Variants in RNF217 observed in about 807,000 individuals in gnomAD.
The protein encoded by RNF217 is ring finger protein 217, also known as E3 ubiquitin-protein ligase RNF217.
RNF217 carries 31 observed loss-of-function variants against 57.8 expected under a neutral mutation model. The ratio of observed to expected loss-of-function variants is 0.54; its 90% confidence interval spans 0.40 to 0.72. The LOEUF is 0.72. Among genes scored for constraint, RNF217 ranks in the 30% least tolerant of loss-of-function variants. The pLI, the probability that RNF217 is intolerant of heterozygous loss-of-function variation, is 0.00. For missense variants in RNF217, 696 were observed against 708.3 expected (o/e 0.98, Z 0.20); for synonymous variants, 313 against 294.0 (o/e 1.06, Z -0.66).
At chr6:124,984,060 C>T (rs1784276886) in intron 1 of RNF217, among the ~76,000 whole-genome samples, 1 of 152,178 alleles carries the variant, frequency 6.6e-6, no homozygotes, top group Non-Finnish European at 1.5e-5. Context: ...CCAAAAGCCC[C>T]ACTTCTTAAT....
intron 1 of RNF217, among the ~76,000 whole-genome samples, chr6:124,966,327 C>T (rs1482325211): frequency 6.6e-6 from 1 of 152,148 alleles, no homozygotes; most frequent in East Asian, 1.9e-4. Flanking sequence ...AATGTAATTG[C>T]AGACAACCTG....
At chr6:125,035,760 T>C (rs1786586401) in intron 1 of RNF217, among the ~76,000 whole-genome samples, 1 of 152,170 alleles carries the variant, frequency 6.6e-6, no homozygotes, top group South Asian at 2.1e-4. Context: ...TGATTATCTT[T>C]AGAAGCTTTT....
intron 4 of RNF217, among the ~76,000 whole-genome samples, chr6:125,078,589 C>G (rs564554459): frequency 6.6e-6 from 1 of 152,172 alleles, no homozygotes. Context: ...GGAACCCACT[C>G]CCTTGATAAC....
rs1028463602 is a variant in RNF217 at position 124,963,183 on chromosome 6, G to T, written c.639G>T (p.Thr213=). ...CCAGCCCCCGACTGTCCCTCCCAACGGATTCCCTCTCCCCCGACGGCGGCA... is the reference window on the plus strand; with the variant it reads ...CCAGCCCCCGACTGTCCCTCCCAACTGATTCCCTCTCCCCCGACGGCGGCA... ...SFPSPRLSLP[T]DSLSPDGGSI... Residue 213 remains threonine (T), a synonymous_variant, in exon 1 of 6, where the codon ACG becomes ACT. Coordinates refer to ENST00000521654, the MANE Select transcript of RNF217 (RefSeq NM_001286398.3). 4 of 1,536,000 alleles carry T rather than the reference G, an allele frequency of 2.6e-6. No individual in the cohort carries two copies. Among genetic ancestry groups the T allele is most frequent in the Middle Eastern group, 1.7e-4 (1 of 5,988 alleles).
intron 3 of RNF217, among the ~76,000 whole-genome samples, chr6:125,068,044 T>TGGG (rs540741040): frequency 9.6e-4 from 146 of 152,262 alleles, no homozygotes; most frequent in African/African-American, 3.3e-3. Flanking sequence ...ATTTTGCAGA[T>TGGG]GGGGGTCATG....
At chr6:125,054,689 A>G (rs1269561656) in intron 2 of RNF217, among the ~76,000 whole-genome samples, 1 of 152,204 alleles carries the variant, frequency 6.6e-6, no homozygotes. Context: ...TCCTGGTCCA[A>G]TAAATTGTGG....
intron 1 of RNF217, among the ~76,000 whole-genome samples, chr6:124,998,164 G>A (rs981246454): frequency 3.3e-5 from 5 of 152,072 alleles, no homozygotes; most frequent in Admixed American, 6.5e-5. Context: ...TCCCAGTCAC[G>A]TAGCCTCAAA....
rs570883999 is a variant in RNF217, at chr6:125,044,372, A to G, written c.883-839A>G. 2.6e-5 allele frequency among the ~76,000 whole-genome samples: 4 copies of G among 152,230 alleles called. No individual in the cohort carries two copies. In the East Asian group the frequency reaches 7.8e-4, roughly 30 times the overall value. Reference sequence around the variant, plus strand: ...CATTATTTCAAAGTAGTTTATTTTAATCATTTAAAAATTAGTTGTGTCCAC... The same window carrying G: ...CATTATTTCAAAGTAGTTTATTTTAGTCATTTAAAAATTAGTTGTGTCCAC... On this transcript the variant is annotated intron_variant, in intron 1 of 5. Transcript: ENST00000521654.
At chr6:125,072,794 T>G (rs1788198844) in intron 3 of RNF217, among the ~76,000 whole-genome samples, 1 of 152,154 alleles carries the variant, frequency 6.6e-6, no homozygotes, top group Non-Finnish European at 1.5e-5. Context: ...ATAATATGAT[T>G]GATCTTCTGG....
intron 1 of RNF217, among the ~76,000 whole-genome samples, chr6:125,017,745 A>G (rs746042832): frequency 2.0e-5 from 3 of 152,140 alleles, no homozygotes; most frequent in Non-Finnish European, 4.4e-5. Context: ...ATATTAACTG[A>G]CTGTATTTTT....
At chr6:125,051,322 G>A (rs543583849) in intron 2 of RNF217, among the ~76,000 whole-genome samples, 8 of 151,438 alleles carry the variant, frequency 5.3e-5, no homozygotes, top group African/African-American at 7.3e-5. Flanking sequence ...GTGAAGAATC[G>A]TCTCTCTCTG....
intron 1 of RNF217, among the ~76,000 whole-genome samples, chr6:125,005,199 A>G (rs912719518): frequency 2.5e-4 from 38 of 152,198 alleles, no homozygotes; most frequent in Non-Finnish European, 4.9e-4. Context: ...TGTTCAAACC[A>G]TAACAGGCCT....
In RNF217 at chr6:125,086,961, C is replaced by T. The variant is rs1788787715; in HGVS notation, c.*4024C>T. ...ACTGTTCTCCTAAAATACCTATGAA[C>T]CACTGTAATCATTTCCAGTCCCTGA... On this transcript the variant is annotated 3_prime_UTR_variant, in exon 6 of 6. Coordinates refer to ENST00000521654, the MANE Select transcript of RNF217 (RefSeq NM_001286398.3). 1 of 152,080 alleles carries T rather than the reference C, an allele frequency of 6.6e-6. No homozygotes were observed. The allele number at this position is 152,080 out of a possible 1,614,324, so 9.4% of individuals were successfully genotyped here. A position where few individuals can be genotyped will look rare whatever the true frequency, so the allele number is the denominator to read the frequency against.
intron 2 of RNF217, 38 bp downstream of exon 2, chr6:125,045,482 A>C: frequency 6.6e-7 from 1 of 1,512,614 alleles, no homozygotes. Flanking sequence ...TAGATGTCAC[A>C]TGGCAGAAGC....
chr6:125,063,691 A>C (rs550326414), intron 3 of RNF217, among the ~76,000 whole-genome samples: 216 of 151,654 alleles, frequency 1.4e-3, no homozygotes, highest in Non-Finnish European at 2.1e-3. Flanking sequence ...ACATAACAGG[A>C]TTGGTAGTAT....
intron 1 of RNF217, chr6:125,005,971 G>A (rs1040513931): frequency 1.9e-4 from 29 of 152,270 alleles, no homozygotes; most frequent in African/African-American, 6.5e-4. Flanking sequence ...CAGAAAAGGT[G>A]TTTGTTATAA....
At chr6:124,963,494 T>G (rs1783393256) in intron 1 of RNF217, 68 bp downstream of exon 1, 2 of 1,424,396 alleles carry the variant, frequency 1.4e-6, no homozygotes, top group African/African-American at 2.9e-5. Flanking sequence ...CTGCTCTCGA[T>G]CTGATCTCCC....
At chr6:124,997,200 A>G (rs533951708) in intron 1 of RNF217, among the ~76,000 whole-genome samples, 1 of 152,312 alleles carries the variant, frequency 6.6e-6, no homozygotes, top group South Asian at 2.1e-4. Flanking sequence ...GTTCTGTGTG[A>G]TGATTGAAAG....
At chr6:125,002,034 A>G (rs1211728746) in intron 1 of RNF217, among the ~76,000 whole-genome samples, 1 of 152,174 alleles carries the variant, frequency 6.6e-6, no homozygotes, top group African/African-American at 2.4e-5. Flanking sequence ...CTTTAGTTAC[A>G]GATCTTTTTA....
Sources: allele counts gnomAD v4.1 joint callset (sites outside exome capture counted in the v4.1 genomes callset), GRCh38; gene constraint gnomAD v4.1.1; transcripts MANE v1.5; gene names NCBI Gene and HGNC (gene_info 2026-07-23, HGNC 2026-07-21).